Variants in ZNF462 observed in about 807,000 individuals in gnomAD.
The protein encoded by ZNF462 is zinc finger protein 462, also known as zinc finger PBX1-interacting protein.
Under a neutral mutation model 201.9 loss-of-function variants are expected in ZNF462, and 10 were observed. The observed-to-expected ratio is 0.05, with a 90% CI of 0.03 to 0.08. The LOEUF (loss-of-function observed/expected upper bound fraction) is 0.08. ZNF462 is among the 10% of genes least tolerant of loss of function. The probability of loss-of-function intolerance (pLI) is 1.00; values close to 1 mark genes in which losing one functional copy is unlikely to be tolerated. For missense variants in ZNF462, 2,523 were observed against 3,168.3 expected, an observed-to-expected ratio of 0.80 and a Z score of 4.89; for synonymous variants, 1,227 against 1,193.3, an observed-to-expected ratio of 1.03 and a Z score of -0.58.
At position 107,011,636 on chromosome 9, in the gene ZNF462, ACTG is replaced by A. The variant is rs1448907451; in HGVS notation, c.*610_*612del. The stretch of plus-strand genomic sequence containing the variant: ...GTCGTTGTGGTTAAATGTAGAGAGA[ACTG>A]CTGGGCAAGATGGTGAATGGAGAAA... On this transcript the variant is annotated 3_prime_UTR_variant, in exon 13 of 13. Transcript: ENST00000277225. This position sits in a 1 kb window ranked among gnomAD's most constrained non-coding sequence, Gnocchi z 5.6. The A allele has an allele frequency of 1.3e-5, 2 of 152,138 alleles. No homozygotes were observed. The highest frequency in any genetic ancestry group is 2.4e-5 in the African/African-American group (1 of 41,444). The allele number at this position is 152,138 out of a possible 1,614,324, so 9.4% of individuals were successfully genotyped here.
In ZNF462 at chr9:106,928,988, C is replaced by T; in HGVS notation, c.5076C>T (p.Gly1692=). ...KHNNVRAQPE[G]KNNLFKCALC... ...ATAATGTCCGAGCCCAGCCAGAAGG[C>T]AAGAACAACCTCTTCAAGTGTGCCC... The change falls in exon 3 of 13, where the codon GGC becomes GGT. Residue 1692 remains glycine (G), a synonymous_variant. Coordinates refer to ENST00000277225, the MANE Select transcript of ZNF462 (RefSeq NM_021224.6). The surrounding 1 kb of genome is among the most constrained non-coding windows in gnomAD (Gnocchi z 9.3). 2.5e-6 allele frequency: 4 copies of T among 1,614,168 alleles called. No homozygotes were observed. The highest frequency in any genetic ancestry group is 3.4e-6 in the Non-Finnish European group (4 of 1,180,038).
rs1306231944 is a variant in ZNF462 at position 106,968,564 on chromosome 9, T to A, written c.6428-3441T>A. Among the ~76,000 whole-genome samples, 1 of 151,944 alleles carries A rather than the reference T, an allele frequency of 6.6e-6. No individual in the cohort carries two copies. The highest frequency in any genetic ancestry group is 1.5e-5 in the Non-Finnish European group (1 of 67,942). On this transcript the variant is annotated intron_variant, in intron 7 of 12. Transcript: ENST00000277225. The surrounding 1 kb of genome is among the most constrained non-coding windows in gnomAD (Gnocchi z 4.0). Reference sequence around the variant, plus strand: ...GTTGGTTGGTTGGTTGGTTGGTTGGTTGGGAATGTATGGTGATGCTAAGCC... The same window carrying A: ...GTTGGTTGGTTGGTTGGTTGGTTGGATGGGAATGTATGGTGATGCTAAGCC...
At chr9:106,869,676 C>T (rs866724355) in intron 1 of ZNF462, among the ~76,000 whole-genome samples, 5 of 151,804 alleles carry the variant, frequency 3.3e-5, no homozygotes, top group African/African-American at 1.2e-4. Context: ...AGTTGACTGT[C>T]GAAAATAAAA....
intron 10 of ZNF462, among the ~76,000 whole-genome samples, chr9:106,990,288 T>C (rs2132386433): frequency 6.6e-6 from 1 of 152,210 alleles, no homozygotes; most frequent in East Asian, 1.9e-4. Flanking sequence ...GAGAGACTGC[T>C]TGATACAATT....
upstream of ZNF462, among the ~76,000 whole-genome samples, chr9:106,861,084 CATTTATTT>C (rs1250533971): frequency 1.3e-5 from 2 of 151,740 alleles, no homozygotes; most frequent in African/African-American, 4.8e-5. Flanking sequence ...CGTAGAGTGT[CATTTATTT>C]ATTTATTTAT....
At chr9:107,001,965 ATGT>A (rs1299408479) in intron 10 of ZNF462, among the ~76,000 whole-genome samples, 1 of 152,084 alleles carries the variant, frequency 6.6e-6, no homozygotes, top group South Asian at 2.1e-4. Context: ...CTCTTACAGG[ATGT>A]TGTTGGGACA....
rs144334814 is a variant in ZNF462, at chr9:106,946,869, T to G, written c.6427+7762T>G. On this transcript the variant is annotated intron_variant, in intron 7 of 12. Coordinates refer to ENST00000277225, the MANE Select transcript of ZNF462 (RefSeq NM_021224.6). ...AGAATAAGATGCCAGAAATAACTTT[T>G]TAGCTACAATTATTTTTTTGAAAAA... Among the ~76,000 whole-genome samples the G allele has an allele frequency of 4.9e-3, 740 of 152,254 alleles. 2 individuals carry two copies. Among genetic ancestry groups the G allele is most frequent in the Middle Eastern group, 0.01 (3 of 294 alleles).
rs1429355963 is a variant in ZNF462, at chr9:106,932,594, T to A, written c.6116+45T>A. Reference sequence around the variant, plus strand: ...CACTAGTGGTTACTGGGAGATGATGTCATAGTGGAAGGCACTAAGCTAAAG... The same window carrying A: ...CACTAGTGGTTACTGGGAGATGATGACATAGTGGAAGGCACTAAGCTAAAG... On this transcript the variant is annotated intron_variant, in intron 5 of 12. Transcript: ENST00000277225. The surrounding 1 kb of genome is among the most constrained non-coding windows in gnomAD (Gnocchi z 6.8). The A allele has an allele frequency of 6.2e-7, 1 of 1,613,592 alleles. No individual in the cohort carries two copies. Among genetic ancestry groups the A allele is most frequent in the South Asian group, 1.1e-5 (1 of 91,036 alleles).
intron 7 of ZNF462, among the ~76,000 whole-genome samples, chr9:106,942,073 T>C (rs1038439603): frequency 6.6e-6 from 1 of 152,184 alleles, no homozygotes; most frequent in Non-Finnish European, 1.5e-5. Context: ...CAACCAAAAA[T>C]GTGTTGCAGG....
At chr9:106,861,443 C>T (rs1368938732), upstream of ZNF462, among the ~76,000 whole-genome samples, 4 of 152,110 alleles carry the variant, frequency 2.6e-5, no homozygotes, top group Admixed American at 2.6e-4. Flanking sequence ...TAACACCGCG[C>T]CTTCACCGGA....
At chr9:106,952,561 A>G (rs902936283) in intron 7 of ZNF462, among the ~76,000 whole-genome samples, 1 of 152,156 alleles carries the variant, frequency 6.6e-6, no homozygotes, top group African/African-American at 2.4e-5. Flanking sequence ...AGCCTTGTTG[A>G]TATAAATTTA....
chr9:106,873,809 G>A (rs1211081112), intron 1 of ZNF462, among the ~76,000 whole-genome samples: 1 of 152,098 alleles, frequency 6.6e-6, no homozygotes, highest in Admixed American at 6.5e-5. Flanking sequence ...ATATCCCTAC[G>A]GTATCCGAGA....
chr9:106,906,410 C>G (rs1269713785), intron 1 of ZNF462, among the ~76,000 whole-genome samples: 1 of 152,138 alleles, frequency 6.6e-6, no homozygotes, highest in Non-Finnish European at 1.5e-5. Flanking sequence ...TCCCTTCTGC[C>G]GTGATAACAG....
Position 106,974,012 on chromosome 9 carries a change from T to C in ZNF462, c.6696-125T>C. ...GGTCAACAAACATGATGAACAGATT[T>C]TTTTTTAGCCCCACAAGCAGGAGAG... On this transcript the variant is annotated intron_variant, in intron 8 of 12. Transcript: ENST00000277225. This position sits in a 1 kb window ranked among gnomAD's most constrained non-coding sequence, Gnocchi z 4.0. 7.8e-7 allele frequency: 1 copy of C among 1,288,638 alleles called. No individual in the cohort carries two copies. The highest frequency in any genetic ancestry group is 1.1e-6 in the Non-Finnish European group (1 of 927,872). The allele number at this position is 1,288,638 out of a possible 1,614,324, so 79.8% of individuals were successfully genotyped here. A position where few individuals can be genotyped will look rare whatever the true frequency, so the allele number is the denominator to read the frequency against.
At chr9:106,918,867 A>C (rs1334204120) in intron 1 of ZNF462, among the ~76,000 whole-genome samples, 1 of 152,254 alleles carries the variant, frequency 6.6e-6, no homozygotes, top group Non-Finnish European at 1.5e-5. Context: ...AAACTAAGAA[A>C]AGTTCAAACA....
intron 10 of ZNF462, among the ~76,000 whole-genome samples, chr9:106,988,613 G>A (rs766581195): frequency 4.6e-5 from 7 of 152,130 alleles, no homozygotes; most frequent in Non-Finnish European, 7.4e-5. Flanking sequence ...CATTAAATTT[G>A]TAGATTGCTT....
At position 106,928,480 on chromosome 9, in the gene ZNF462, T is replaced by C; in HGVS notation, c.4568T>C (p.Ile1523Thr). ...AVYKCRHCPY[I>T]NTRIHGVLTH... ...TACAAATGCAGGCATTGCCCATACA[T>C]CAACACCCGCATCCACGGCGTACTG... Residue 1523 changes from isoleucine to threonine, a missense_variant, in exon 3 of 13, where the codon ATC becomes ACC. Transcript: ENST00000277225. This position sits in a 1 kb window ranked among gnomAD's most constrained non-coding sequence, Gnocchi z 9.3. 1 of 1,613,970 alleles carries C rather than the reference T, an allele frequency of 6.2e-7. No homozygotes were observed. The highest frequency in any genetic ancestry group is 8.5e-7 in the Non-Finnish European group (1 of 1,180,004).
At chr9:106,884,173 G>A (rs1828221026) in intron 1 of ZNF462, among the ~76,000 whole-genome samples, 1 of 152,132 alleles carries the variant, frequency 6.6e-6, no homozygotes, top group African/African-American at 2.4e-5. Flanking sequence ...TCTACCACAG[G>A]AGAGGAATTC....
intron 10 of ZNF462, among the ~76,000 whole-genome samples, chr9:106,988,088 T>C (rs1270011766): frequency 6.6e-6 from 1 of 152,138 alleles, no homozygotes; most frequent in Non-Finnish European, 1.5e-5. Context: ...TGAAATCAGA[T>C]AGTGTGATTG....
Sources: allele counts gnomAD v4.1 joint callset (sites outside exome capture counted in the v4.1 genomes callset), GRCh38; gene constraint gnomAD v4.1.1; non-coding constraint Gnocchi (gnomAD v3.1); transcripts MANE v1.5; gene names NCBI Gene and HGNC (gene_info 2026-07-23, HGNC 2026-07-21).